Variants in SLC4A7 observed in about 807,000 individuals in gnomAD.
SLC4A7 encodes sodium bicarbonate cotransporter 3.
In SLC4A7, 51 loss-of-function variants were observed where a neutral mutation model predicts 137.6. That is an observed-to-expected ratio of 0.37 (90% CI 0.30 to 0.47). SLC4A7 has a LOEUF of 0.47. SLC4A7 is among the 20% of genes least tolerant of loss of function. SLC4A7 has a pLI of 1.00. For synonymous variants in SLC4A7, 542 were observed against 518.6 expected, an observed-to-expected ratio of 1.05 and a Z score of -0.61; for missense variants, 1,247 against 1,525.4, an observed-to-expected ratio of 0.82 and a Z score of 3.04.
chr3:27,474,332 A>C (rs2059378859), intron 1 of SLC4A7, among the ~76,000 whole-genome samples: 1 of 152,236 alleles, frequency 6.6e-6, no homozygotes, highest in Non-Finnish European at 1.5e-5. Flanking sequence ...ATGATAAAAC[A>C]GTTAAACACA....
chr3:27,450,270 T>A lies in SLC4A7; in HGVS notation c.143-1473A>T, dbSNP rs933235447. Among the ~76,000 whole-genome samples the A allele has an allele frequency of 2.6e-5, 4 of 152,140 alleles. No homozygotes were observed. The East Asian group carries it at 7.7e-4, about 29-fold the overall frequency. ...CTCGATAAATGTCTATGGAATTAAA[T>A]CTCAACTACTAGAAAACAAAAATTC... On this transcript the variant is annotated intron_variant, in intron 2 of 25. Transcript: ENST00000454389.
intron 1 of SLC4A7, among the ~76,000 whole-genome samples, chr3:27,472,152 C>T (rs964230008): frequency 5.3e-5 from 8 of 152,194 alleles, no homozygotes; most frequent in African/African-American, 1.2e-4. Flanking sequence ...CAGAGCTAAT[C>T]CAGTCAATAC....
chr3:27,399,040 A>G (rs182917532), intron 16 of SLC4A7, among the ~76,000 whole-genome samples: 27 of 151,456 alleles, frequency 1.8e-4, no homozygotes, highest in African/African-American at 6.3e-4. Flanking sequence ...GCAATCAGAG[A>G]TTAATAGAAG....
chr3:27,392,650 A>G (rs1311531300), intron 20 of SLC4A7, among the ~76,000 whole-genome samples: 1 of 152,146 alleles, frequency 6.6e-6, no homozygotes, highest in Non-Finnish European at 1.5e-5. Context: ...ACATAGCGAA[A>G]CCATCATCTC....
intron 24 of SLC4A7, among the ~76,000 whole-genome samples, chr3:27,382,058 A>C (rs77135084): frequency 0.18 from 27,359 of 152,140 alleles, 2,877 homozygotes; most frequent in Non-Finnish European, 0.25. Flanking sequence ...CAAGAATGAG[A>C]CTTCATCTCA....
At chr3:27,410,049 C>T (rs1310364481) in intron 12 of SLC4A7, among the ~76,000 whole-genome samples, 3 of 152,152 alleles carry the variant, frequency 2.0e-5, no homozygotes, top group East Asian at 3.9e-4. Context: ...GTACTTCAAT[C>T]GTATAAAAGG....
intron 1 of SLC4A7, among the ~76,000 whole-genome samples, chr3:27,471,097 A>G (rs1011359717): frequency 1.3e-5 from 2 of 152,234 alleles, no homozygotes; most frequent in Non-Finnish European, 2.9e-5. Context: ...GTATGTATGC[A>G]TGTATAAAAT....
chr3:27,383,393 T>C (rs905464421), intron 23 of SLC4A7, 143 bp from the exon 24 acceptor site: 1 of 651,424 alleles, frequency 1.5e-6, no homozygotes, highest in Non-Finnish European at 2.7e-6. Context: ...TTTATAATCA[T>C]GAACACATAC....
rs180676989 is a variant in SLC4A7, at chr3:27,434,289, G to A, written c.590-185C>T. ...CCAATAAAAATGAATTACAAAGACC[G>A]CCTTATTTTAATAAATACTATTATT... is the stretch of plus-strand genomic sequence containing the variant. On this transcript the variant is annotated intron_variant, in intron 5 of 25. Transcript: ENST00000454389. Among the ~76,000 whole-genome samples, 743 of 152,080 alleles carry A rather than the reference G, an allele frequency of 4.9e-3. 14 individuals are homozygous for A. The highest frequency in any genetic ancestry group is 5.1e-3 in the Non-Finnish European group (348 of 67,982).
At chr3:27,441,662 AT>A (rs1221692985) in intron 3 of SLC4A7, among the ~76,000 whole-genome samples, 1 of 151,666 alleles carries the variant, frequency 6.6e-6, no homozygotes, top group Non-Finnish European at 1.5e-5. Flanking sequence ...GTAATTTTTT[AT>A]TTTTTGTAGT....
At position 27,423,924 on chromosome 3, in the gene SLC4A7, C is replaced by T. The variant is rs1453372521; in HGVS notation, c.1266+113G>A. On this transcript the variant is annotated intron_variant, in intron 8 of 25. Coordinates refer to ENST00000454389, the MANE Select transcript of SLC4A7 (RefSeq NM_001321103.2). ...CAGACATCACATGCAGGTTTGTAAG[C>T]ACCAGTCTACTAAAAAATTACTATC... 8 of 635,916 alleles carry T rather than the reference C, an allele frequency of 1.3e-5. No individual in the cohort carries two copies. In the South Asian group the frequency reaches 1.4e-4, roughly 11 times the overall value. The allele number at this position is 635,916 out of a possible 1,614,324, so 39.4% of individuals were successfully genotyped here. A position where few individuals can be genotyped will look rare whatever the true frequency, so the allele number is the denominator to read the frequency against.
chr3:27,477,903 C>A lies in SLC4A7; in HGVS notation c.60+6164G>T, dbSNP rs192879225. ...TTGCTGGGATTACAGGCATGAGCCA[C>A]CGCGCCCGGCTTTCATGCTCTTTTG... On this transcript the variant is annotated intron_variant, in intron 1 of 25. Transcript: ENST00000454389. 2.6e-5 allele frequency among the ~76,000 whole-genome samples: 4 copies of A among 152,308 alleles called. No homozygotes were observed. In the East Asian group the frequency reaches 7.7e-4, roughly 29 times the overall value.
At chr3:27,415,581 G>C (rs532202266) in intron 11 of SLC4A7, among the ~76,000 whole-genome samples, 15 of 152,314 alleles carry the variant, frequency 9.8e-5, no homozygotes, top group African/African-American at 3.6e-4. Flanking sequence ...TTCTTAACAG[G>C]ATCTGATCTG....
intron 14 of SLC4A7, among the ~76,000 whole-genome samples, chr3:27,404,062 T>C (rs1303806677): frequency 6.6e-6 from 1 of 152,202 alleles, no homozygotes; most frequent in African/African-American, 2.4e-5. Flanking sequence ...ACAAACTTCA[T>C]TTATGTCACA....
intron 1 of SLC4A7, among the ~76,000 whole-genome samples, chr3:27,473,013 G>A (rs2059314970): frequency 6.6e-6 from 1 of 151,744 alleles, no homozygotes; most frequent in Non-Finnish European, 1.5e-5. Flanking sequence ...CTGGGAGTCG[G>A]AGGTTGCAGT....
intron 3 of SLC4A7, among the ~76,000 whole-genome samples, chr3:27,441,909 T>C (rs991962531): frequency 2.0e-5 from 3 of 152,096 alleles, no homozygotes; most frequent in Non-Finnish European, 2.9e-5. Context: ...ACTTTTTTTT[T>C]TTTTGAGAGG....
chr3:27,427,205 G>A (rs1194596328), intron 7 of SLC4A7, among the ~76,000 whole-genome samples: 1 of 152,078 alleles, frequency 6.6e-6, no homozygotes, highest in Non-Finnish European at 1.5e-5. Context: ...CTACTCCCCT[G>A]CCACCCAATC....
chr3:27,456,397 A>G (rs988873679), intron 1 of SLC4A7, among the ~76,000 whole-genome samples: 4 of 152,196 alleles, frequency 2.6e-5, no homozygotes, highest in Non-Finnish European at 2.9e-5. Flanking sequence ...TTAACCAAAT[A>G]ATTTTTAAAG....
At chr3:27,417,254 G>A (rs2054481598) in intron 11 of SLC4A7, among the ~76,000 whole-genome samples, 2 of 152,080 alleles carry the variant, frequency 1.3e-5, no homozygotes, top group Admixed American at 1.3e-4. Flanking sequence ...TAATGAACAG[G>A]GAGAACCAGG....
Sources: gnomAD v4.1 joint callset for allele counts (sites outside exome capture counted in the v4.1 genomes callset) on GRCh38, gnomAD v4.1.1 for gene constraint, MANE v1.5 for transcripts, NCBI Gene and HGNC (gene_info 2026-07-23, HGNC 2026-07-21) for gene names.